SH3RF3: variants seen among roughly 807,000 people sequenced by gnomAD.
SH3RF3 encodes E3 ubiquitin-protein ligase SH3RF3.
Under a neutral mutation model 66.3 loss-of-function variants are expected in SH3RF3, and 29 were observed. The observed-to-expected ratio is 0.44, with a 90% confidence interval of 0.33 to 0.60. The LOEUF is 0.60. Ranked by LOEUF, SH3RF3 falls within the 20% of genes least tolerant of loss-of-function variation. SH3RF3 has a pLI of 0.04. For missense variants in SH3RF3, 1,194 were observed against 1,190.9 expected (o/e 1.00, Z -0.04); for synonymous variants, 583 against 532.0 (o/e 1.10, Z -1.32).
intron 1 of SH3RF3, among the ~76,000 whole-genome samples, chr2:109,249,763 T>C (rs1680039581): frequency 6.6e-6 from 1 of 151,630 alleles, no homozygotes; most frequent in Non-Finnish European, 1.5e-5. Context: ...TTCACGCCAT[T>C]CTCCTGCCTC....
chr2:109,187,371 T>A (rs990533628), intron 1 of SH3RF3, among the ~76,000 whole-genome samples: 4 of 151,850 alleles, frequency 2.6e-5, no homozygotes, highest in Non-Finnish European at 5.9e-5. Flanking sequence ...CTTTTTTTTT[T>A]TAAAGGTATT....
rs1322773284 is a variant in SH3RF3, at chr2:109,424,187, C to T, written c.1403+4545C>T. Among the ~76,000 whole-genome samples the T allele has an allele frequency of 3.3e-5, 5 of 152,322 alleles. No individual in the cohort carries two copies. The East Asian group carries it at 5.8e-4, about 18-fold the overall frequency. ...GCTGAAGGGAAGCCTGTCTGATCCT[C>T]GGGGCTCTGGAGCTGAGACAGCCCT... On this transcript the variant is annotated intron_variant, in intron 5 of 9. Transcript: ENST00000309415.
intron 1 of SH3RF3, among the ~76,000 whole-genome samples, chr2:109,249,472 TC>T: frequency 6.0e-5 from 1 of 16,604 alleles, no homozygotes; most frequent in Non-Finnish European, 8.9e-5. Context: ...TCTTTCTCTT[TC>T]TTTCTTTCTT....
chr2:109,138,655 C>T (rs73954551), intron 1 of SH3RF3, among the ~76,000 whole-genome samples: 2,217 of 152,342 alleles, frequency 0.015, 57 homozygotes, highest in African/African-American at 0.049. Context: ...GGTCACTCTT[C>T]CTCTGGGTCT....
intron 1 of SH3RF3, among the ~76,000 whole-genome samples, chr2:109,249,576 C>CTTTCT (rs1487943280): frequency 1.7e-5 from 2 of 116,918 alleles, no homozygotes; most frequent in East Asian, 2.2e-4. Flanking sequence ...TCCTTCCTTC[C>CTTTCT]TTCCTTCCTT....
rs189648861 is a variant in SH3RF3, at chr2:109,419,553, G to C, written c.1314G>C (p.Ser438=). ...CAAPTQDVSS[S]AGSTPTAVPR... is the part of the protein sequence containing the mutation. ...TCTGTTTCCAGGATGTCTCCTCCTCGGCGGGATCTACCCCCACGGCTGTCC... is the reference window on the plus strand; with the variant it reads ...TCTGTTTCCAGGATGTCTCCTCCTCCGCGGGATCTACCCCCACGGCTGTCC... Residue 438 remains serine (S), a synonymous_variant, in exon 5 of 10, where the codon TCG becomes TCC. Transcript: ENST00000309415. 5.2e-5 allele frequency: 83 copies of C among 1,596,688 alleles called. No individual in the cohort carries two copies. The highest frequency in any genetic ancestry group is 6.9e-5 in the Admixed American group (4 of 57,584).
At chr2:109,293,727 T>A (rs1681242524) in intron 1 of SH3RF3, among the ~76,000 whole-genome samples, 2 of 152,244 alleles carry the variant, frequency 1.3e-5, no homozygotes, top group African/African-American at 4.8e-5. Flanking sequence ...GCTGTCAGCC[T>A]TCCCTGAATC....
Position 109,305,358 on chromosome 2 carries a change from A to G in SH3RF3, c.574-42316A>G, listed in dbSNP as rs930302274. Among the ~76,000 whole-genome samples, 9 of 152,148 alleles carry G rather than the reference A, an allele frequency of 5.9e-5. No individual in the cohort carries two copies. The East Asian group carries it at 1.4e-3, about 23-fold the overall frequency. ...TCTGTGGTTACCTTTAATGGCAGGTATGGCCATGGAGGCCCATACAGGTGT... is the reference window on the plus strand; with the variant it reads ...TCTGTGGTTACCTTTAATGGCAGGTGTGGCCATGGAGGCCCATACAGGTGT... On this transcript the variant is annotated intron_variant, in intron 1 of 9. Transcript: ENST00000309415.
In SH3RF3 at chr2:109,446,899, G is replaced by A. The variant is rs181468339; in HGVS notation, c.1829-2271G>A. Among the ~76,000 whole-genome samples the A allele has an allele frequency of 1.6e-4, 24 of 152,198 alleles. No homozygotes were observed. The East Asian group carries it at 4.1e-3, about 26-fold the overall frequency. On this transcript the variant is annotated intron_variant, in intron 7 of 9. Transcript: ENST00000309415. ...CAGTCCCAACGCCGAGGGCCACAGC[G>A]CTTCCCTGGCAGGCTGTCACCCCCC...
chr2:109,170,901 T>C (rs1459981957), intron 1 of SH3RF3, among the ~76,000 whole-genome samples: 1 of 152,182 alleles, frequency 6.6e-6, no homozygotes, highest in Non-Finnish European at 1.5e-5. Context: ...AGAGGACTGA[T>C]AAATCACCTC....
At chr2:109,310,737 TCTAGAAGAAATGG>T (rs1207863443) in intron 1 of SH3RF3, among the ~76,000 whole-genome samples, 3 of 86,528 alleles carry the variant, frequency 3.5e-5, no homozygotes, top group African/African-American at 2.3e-4. Flanking sequence ...AACTAGAAAA[TCTAGAAGAAATGG>T]ATAAATTCCT....
At chr2:109,372,156 A>G (rs948979784) in intron 3 of SH3RF3, among the ~76,000 whole-genome samples, 1 of 152,046 alleles carries the variant, frequency 6.6e-6, no homozygotes, top group South Asian at 2.1e-4. Context: ...TTATTGGGCA[A>G]CTCTTCTGCC....
chr2:109,474,610 AG>A (rs762800640), intron 8 of SH3RF3, among the ~76,000 whole-genome samples: 3 of 152,132 alleles, frequency 2.0e-5, no homozygotes, highest in African/African-American at 2.4e-5. Flanking sequence ...AGGTTTGGGC[AG>A]GGGGGGAGAA....
At chr2:109,149,809 G>A (rs746476401) in intron 1 of SH3RF3, among the ~76,000 whole-genome samples, 3 of 152,238 alleles carry the variant, frequency 2.0e-5, no homozygotes, top group Non-Finnish European at 2.9e-5. Flanking sequence ...TTGTAGTGCA[G>A]GTATTTTTGT....
At chr2:109,377,056 G>C (rs1389097135) in intron 3 of SH3RF3, among the ~76,000 whole-genome samples, 1 of 152,260 alleles carries the variant, frequency 6.6e-6, no homozygotes, top group South Asian at 2.1e-4. Context: ...GCTGCCTTTG[G>C]ATTTGGCTTG....
intron 8 of SH3RF3, among the ~76,000 whole-genome samples, chr2:109,469,218 C>G (rs1678439739): frequency 6.6e-6 from 1 of 152,228 alleles, no homozygotes; most frequent in Non-Finnish European, 1.5e-5. Context: ...GTGCGCTATC[C>G]CAGAATATTC....
chr2:109,251,356 C>G (rs556970638), intron 1 of SH3RF3: 1 of 583,004 alleles, frequency 1.7e-6, no homozygotes, highest in Admixed American at 2.2e-5. Flanking sequence ...CCCGGCCTGC[C>G]GCGGGAGCAT....
intron 3 of SH3RF3, among the ~76,000 whole-genome samples, chr2:109,398,071 C>T (rs1676198876): frequency 2.0e-5 from 3 of 152,188 alleles, no homozygotes; most frequent in African/African-American, 7.2e-5. Context: ...GTGGTTTATG[C>T]TGACCAGAGC....
At chr2:109,369,181 TAAAA>T (rs748661837) in intron 2 of SH3RF3, among the ~76,000 whole-genome samples, 1 of 138,258 alleles carries the variant, frequency 7.2e-6, no homozygotes, top group Non-Finnish European at 1.6e-5. Flanking sequence ...CGTCTCTTCT[TAAAA>T]AAAAAAAAAA....
Sources: allele counts gnomAD v4.1 joint callset (sites outside exome capture counted in the v4.1 genomes callset), GRCh38; gene constraint gnomAD v4.1.1; transcripts MANE v1.5; gene names NCBI Gene and HGNC (gene_info 2026-07-23, HGNC 2026-07-21).